The following WDR41 variants were observed in gnomAD, a reference collection of about 807,000 sequenced individuals.
WDR41 encodes WD repeat domain 41.
Under a neutral mutation model 69.3 loss-of-function variants are expected in WDR41, and 63 were observed. That is an observed-to-expected ratio of 0.91 (90% CI 0.74 to 1.12). WDR41 has a LOEUF of 1.12. Ranked by LOEUF, WDR41 falls within the 50% of genes most tolerant of loss-of-function variation. The pLI is 0.00. For missense variants in WDR41, 543 were observed against 534.5 expected (o/e 1.02, Z -0.16); for synonymous variants, 185 against 192.1 (o/e 0.96, Z 0.31).
intron 6 of WDR41, among the ~76,000 whole-genome samples, chr5:77,453,046 T>C (rs903142371): frequency 6.6e-6 from 1 of 152,186 alleles, no homozygotes; most frequent in Non-Finnish European, 1.5e-5. Context: ...TTGTAAACCC[T>C]AGCAATGTAT....
intron 1 of WDR41, among the ~76,000 whole-genome samples, chr5:77,616,830 G>T (rs985083137): frequency 6.6e-6 from 1 of 152,154 alleles, no homozygotes; most frequent in East Asian, 1.9e-4. Flanking sequence ...AGAAATATCA[G>T]ACCTAAACTA....
intron 1 of WDR41, among the ~76,000 whole-genome samples, chr5:77,609,407 C>A (rs1377781715): frequency 1.3e-5 from 2 of 152,178 alleles, no homozygotes; most frequent in Non-Finnish European, 2.9e-5. Context: ...AGGCACCCCC[C>A]AGTAGGGGCA....
intron 4 of WDR41, among the ~76,000 whole-genome samples, chr5:77,461,977 A>G (rs531759052): frequency 6.6e-6 from 1 of 152,354 alleles, no homozygotes; most frequent in Non-Finnish European, 1.5e-5. Flanking sequence ...TGTTTACAGA[A>G]AACATTTTAT....
At chr5:77,555,271 T>C (rs552597983) in intron 1 of WDR41, among the ~76,000 whole-genome samples, 3 of 152,238 alleles carry the variant, frequency 2.0e-5, no homozygotes, top group Admixed American at 2.0e-4. Flanking sequence ...TTCTGCGTTG[T>C]ATCTTAAACT....
intron 5 of WDR41, among the ~76,000 whole-genome samples, chr5:77,455,605 CA>C (rs1391727984): frequency 6.6e-6 from 1 of 152,098 alleles, no homozygotes; most frequent in African/African-American, 2.4e-5. Flanking sequence ...GTCTTTGACC[CA>C]TTTTGAGTTA....
chr5:77,502,047 G>A (rs1398086804), intron 1 of WDR41, among the ~76,000 whole-genome samples: 1 of 152,138 alleles, frequency 6.6e-6, no homozygotes, highest in East Asian at 1.9e-4. Flanking sequence ...ATAGGCTTCA[G>A]AAAGTTGGTA....
Position 77,431,133 on chromosome 5 carries a change from T to C in WDR41, c.*2002A>G, listed in dbSNP as rs1018374772. On this transcript the variant is annotated 3_prime_UTR_variant, in exon 13 of 13. Transcript: ENST00000296679. ...GATTTGAGATGACAGACTCTAAATT[T>C]TGAAAGAAGTTCTACTGTGGGTAAA... The C allele has an allele frequency of 6.6e-6, 1 of 152,212 alleles. No individual in the cohort carries two copies. Among genetic ancestry groups the C allele is most frequent in the African/African-American group, 2.4e-5 (1 of 41,450 alleles). The allele number at this position is 152,212 out of a possible 1,614,324, so 9.4% of individuals were successfully genotyped here.
chr5:77,444,359 G>A (rs909301525), intron 8 of WDR41, among the ~76,000 whole-genome samples: 1 of 152,114 alleles, frequency 6.6e-6, no homozygotes, highest in African/African-American at 2.4e-5. Flanking sequence ...TCCCTCACAA[G>A]TACTAGTACT....
chr5:77,456,710 TA>T (rs1462463705), intron 5 of WDR41, among the ~76,000 whole-genome samples: 2 of 152,180 alleles, frequency 1.3e-5, no homozygotes, highest in African/African-American at 2.4e-5. Context: ...TTTATTTTAT[TA>T]TTTTTTTTGA....
intron 1 of WDR41, among the ~76,000 whole-genome samples, chr5:77,498,729 G>A (rs1801971049): frequency 6.6e-6 from 1 of 151,508 alleles, no homozygotes; most frequent in Non-Finnish European, 1.5e-5. Flanking sequence ...TGAGGCAAGA[G>A]GATCACTTAA....
upstream of WDR41, chr5:77,492,518 G>C (rs1801859963): frequency 2.7e-6 from 1 of 367,924 alleles, no homozygotes; most frequent in Non-Finnish European, 4.8e-6. Flanking sequence ...GAGCACGCGC[G>C]GGAGCGCCGC....
intron 1 of WDR41, among the ~76,000 whole-genome samples, chr5:77,534,428 C>T (rs1442064285): frequency 1.4e-5 from 2 of 147,590 alleles, no homozygotes; most frequent in South Asian, 2.1e-4. Flanking sequence ...AAAGCATCTA[C>T]AAAATTTCAA....
At chr5:77,466,014 A>T (rs1042461759) in intron 2 of WDR41, among the ~76,000 whole-genome samples, 1 of 151,990 alleles carries the variant, frequency 6.6e-6, no homozygotes, top group African/African-American at 2.4e-5. Context: ...CTTTGAGTAC[A>T]TCTACTACTG....
chr5:77,500,352 G>C (rs1184725818), intron 1 of WDR41, among the ~76,000 whole-genome samples: 1 of 152,064 alleles, frequency 6.6e-6, no homozygotes, highest in African/African-American at 2.4e-5. Flanking sequence ...ACAGAGGCAA[G>C]AGTCAGTGAA....
chr5:77,462,969 G>C, intron 4 of WDR41, 126 bp downstream of exon 4: 1 of 1,046,098 alleles, frequency 9.6e-7, no homozygotes, highest in Non-Finnish European at 1.3e-6. Flanking sequence ...ATAAGTAACA[G>C]AACAAAAATC....
intron 2 of WDR41, among the ~76,000 whole-genome samples, chr5:77,487,149 T>C (rs1217189857): frequency 6.6e-6 from 1 of 152,258 alleles, no homozygotes; most frequent in Non-Finnish European, 1.5e-5. Context: ...TAACAATTTA[T>C]ACAAATATTT....
intron 1 of WDR41, among the ~76,000 whole-genome samples, chr5:77,610,813 T>C (rs1221510829): frequency 1.2e-4 from 18 of 151,570 alleles, no homozygotes; most frequent in Admixed American, 9.9e-4. Context: ...CAATATTAAC[T>C]TTAAATGTAA....
chr5:77,436,310 C>G lies in WDR41; in HGVS notation c.1178G>C (p.Cys393Ser), dbSNP rs997917836. ...VKKQQENATS[C>S]SLELIGDLIG... ...CAAATCTCCAATAAGCTCCAGTGAA[C>G]ATGAAGTAGCATTTTCTTGCTGCTT... The change falls in exon 12 of 13, where the codon TGT becomes TCT. Residue 393 changes from cysteine to serine, a missense_variant. By Grantham distance (112) the Cys-to-Ser change is moderately radical. Coordinates refer to ENST00000296679, the MANE Select transcript of WDR41 (RefSeq NM_018268.4). The G allele has an allele frequency of 6.2e-7, 1 of 1,614,082 alleles. No homozygotes were observed. The highest frequency in any genetic ancestry group is 8.5e-7 in the Non-Finnish European group (1 of 1,179,982).
At chr5:77,589,589 C>A (rs1315151766) in intron 1 of WDR41, among the ~76,000 whole-genome samples, 2 of 152,078 alleles carry the variant, frequency 1.3e-5, no homozygotes, top group Non-Finnish European at 2.9e-5. Flanking sequence ...TCTCTTACAT[C>A]ATTTCTTAGG....
Sources: gnomAD v4.1 joint callset for allele counts (sites outside exome capture counted in the v4.1 genomes callset) on GRCh38, gnomAD v4.1.1 for gene constraint, MANE v1.5 for transcripts, NCBI Gene and HGNC (gene_info 2026-07-23, HGNC 2026-07-21) for gene names.